GOLGA7B: variants seen among roughly 807,000 people sequenced by gnomAD.
The protein encoded by GOLGA7B is golgin subfamily A member 7B.
Under a neutral mutation model 21.5 loss-of-function variants are expected in GOLGA7B, and 17 were observed. The ratio of observed to expected loss-of-function variants is 0.79; its 90% confidence interval spans 0.54 to 1.19. GOLGA7B has a LOEUF of 1.19. GOLGA7B is among the 50% of genes most tolerant of loss of function. The probability of loss-of-function intolerance (pLI) is 0.00; values close to 1 mark genes in which losing one functional copy is unlikely to be tolerated. For missense variants in GOLGA7B, 169 were observed against 224.4 expected (o/e 0.75, Z 1.58); for synonymous variants, 87 against 84.0 (o/e 1.04, Z -0.19).
chr10:97,858,790 C>A, intron 1 of GOLGA7B, among the ~76,000 whole-genome samples: 1 of 152,198 alleles, frequency 6.6e-6, no homozygotes, highest in East Asian at 1.9e-4. Context: ...CCATAAAACT[C>A]GGCCTGGACC....
Position 97,867,149 on chromosome 10 carries a change from G to C in GOLGA7B, c.*1449G>C, listed in dbSNP as rs1263328567. The C allele has an allele frequency of 6.6e-6, 1 of 152,188 alleles. No individual in the cohort carries two copies. The highest frequency in any genetic ancestry group is 2.4e-5 in the African/African-American group (1 of 41,406). The allele number at this position is 152,188 out of a possible 1,614,324, so 9.4% of individuals were successfully genotyped here. A position where few individuals can be genotyped will look rare whatever the true frequency, so the allele number is the denominator to read the frequency against. Reference sequence around the variant, plus strand: ...CACTGTGTGTTCAGCCTGCCCAGGGGCTGGGGCTCTTTAAGGCTTTGTAGG... The same window carrying C: ...CACTGTGTGTTCAGCCTGCCCAGGGCCTGGGGCTCTTTAAGGCTTTGTAGG... On this transcript the variant is annotated 3_prime_UTR_variant, in exon 5 of 5. Transcript: ENST00000370602.
At chr10:97,857,473 AAC>A (rs2049943563) in intron 1 of GOLGA7B, among the ~76,000 whole-genome samples, 1 of 152,122 alleles carries the variant, frequency 6.6e-6, no homozygotes, top group Non-Finnish European at 1.5e-5. Flanking sequence ...AATCGTAGAT[AAC>A]ACAGACAAAT....
intron 2 of GOLGA7B, among the ~76,000 whole-genome samples, chr10:97,863,673 G>A (rs1028043365): frequency 5.3e-5 from 8 of 152,220 alleles, no homozygotes; most frequent in Non-Finnish European, 8.8e-5. Context: ...TGAGGAAACT[G>A]AAGCCTAGAT....
In GOLGA7B at chr10:97,867,317, G is replaced by A. The variant is rs2050039322; in HGVS notation, c.*1617G>A. ...CAGGTGGGATGGGAGCAGCCCCTGG[G>A]GCTGGTGTCCCGAAGATGAAATGAA... On this transcript the variant is annotated 3_prime_UTR_variant, in exon 5 of 5. Coordinates refer to ENST00000370602, the MANE Select transcript of GOLGA7B (RefSeq NM_001010917.3). The A allele has an allele frequency of 6.6e-6, 1 of 152,204 alleles. No homozygotes were observed. Among genetic ancestry groups the A allele is most frequent in the Non-Finnish European group, 1.5e-5 (1 of 68,078 alleles). The allele number at this position is 152,204 out of a possible 1,614,324, so 9.4% of individuals were successfully genotyped here. A position where few individuals can be genotyped will look rare whatever the true frequency, so the allele number is the denominator to read the frequency against.
At position 97,868,928 on chromosome 10, in the gene GOLGA7B, G is replaced by T. The variant is rs2050059183; in HGVS notation, c.*3228G>T. 1.3e-5 allele frequency: 2 copies of T among 152,130 alleles called. No homozygotes were observed. 9.4% of individuals were successfully genotyped at this position (152,130 alleles called of 1,614,324 possible). A position where few individuals can be genotyped will look rare whatever the true frequency, so the allele number is the denominator to read the frequency against. Reference sequence around the variant, plus strand: ...ACTAGGCTAAGACTCTACATAATTAGTCATTCAATTCTCACAGCAACCCTC... The same window carrying T: ...ACTAGGCTAAGACTCTACATAATTATTCATTCAATTCTCACAGCAACCCTC... On this transcript the variant is annotated 3_prime_UTR_variant, in exon 5 of 5. Transcript: ENST00000370602.
chr10:97,861,121 G>A (rs2049968839), intron 2 of GOLGA7B, among the ~76,000 whole-genome samples: 1 of 152,300 alleles, frequency 6.6e-6, no homozygotes, highest in Non-Finnish European at 1.5e-5. Flanking sequence ...CCGAATCTGG[G>A]TTTTAATCTA....
At chr10:97,859,326 A>G in intron 1 of GOLGA7B, 132 bp from the exon 2 acceptor site, 2 of 887,748 alleles carry the variant, frequency 2.3e-6, no homozygotes, top group Non-Finnish European at 3.4e-6. Context: ...TAGAGTGCCC[A>G]GCTTGTCTCT....
At chr10:97,857,805 A>G (rs2049945825) in intron 1 of GOLGA7B, among the ~76,000 whole-genome samples, 1 of 152,232 alleles carries the variant, frequency 6.6e-6, no homozygotes, top group African/African-American at 2.4e-5. Flanking sequence ...ACAAAAATAG[A>G]CACATAGACC....
intron 1 of GOLGA7B, among the ~76,000 whole-genome samples, chr10:97,855,809 A>G (rs1170857699): frequency 6.6e-6 from 1 of 152,256 alleles, no homozygotes; most frequent in African/African-American, 2.4e-5. Flanking sequence ...CCTAGTAGAT[A>G]TCAAGGGGAT....
chr10:97,856,608 G>A (rs960996244), intron 1 of GOLGA7B, among the ~76,000 whole-genome samples: 9 of 152,208 alleles, frequency 5.9e-5, no homozygotes, highest in Non-Finnish European at 1.3e-4. Flanking sequence ...ACCCTGTAGT[G>A]GGATTGCTGG....
intron 1 of GOLGA7B, among the ~76,000 whole-genome samples, chr10:97,858,080 C>G (rs2049947498): frequency 6.6e-6 from 1 of 152,198 alleles, no homozygotes; most frequent in South Asian, 2.1e-4. Flanking sequence ...ATCTTTGTCA[C>G]TTTGCGCAAG....
Position 97,864,014 on chromosome 10 carries a change from C to A in GOLGA7B, c.223C>A (p.Leu75Ile), listed in dbSNP as rs773598891. The change falls in exon 3 of 5, where the codon CTC becomes ATC. Residue 75 changes from leucine (L) to isoleucine (I), a missense_variant. By Grantham distance (5) the Leu-to-Ile change is conservative (BLOSUM62 2). Transcript: ENST00000370602. The stretch of plus-strand genomic sequence containing the variant: ...TGAGAAGATTGGGGGCAGCTCCTAC[C>A]TCGAGGGCTGCCTGGCCTGCGCCAC... The part of the protein sequence containing the change: ...EAEKIGGSSY[L>I]EGCLACATAY... 6.2e-7 allele frequency: 1 copy of A among 1,614,148 alleles called. No homozygotes were observed. The highest frequency in any genetic ancestry group is 1.1e-5 in the South Asian group (1 of 91,080).
chr10:97,861,187 C>T (rs533574307), intron 2 of GOLGA7B, among the ~76,000 whole-genome samples: 13 of 152,324 alleles, frequency 8.5e-5, no homozygotes, highest in Admixed American at 2.0e-4. Flanking sequence ...ACTAGTCCAT[C>T]CCTCTCATTT....
rs1393651953 is a variant in GOLGA7B at position 97,864,062 on chromosome 10, A to ATGG, written c.272_274dup (p.Met91_Glu92insVal). The ATGG allele has an allele frequency of 1.9e-6, 3 of 1,614,112 alleles. No homozygotes were observed. Among genetic ancestry groups the ATGG allele is most frequent in the Non-Finnish European group, 2.5e-6 (3 of 1,179,964 alleles). On this transcript the variant is annotated inframe_insertion, in exon 3 of 5. Coordinates refer to ENST00000370602, the MANE Select transcript of GOLGA7B (RefSeq NM_001010917.3). ...CACGGCCTACTTCATCTTCCTCTGCATGGAGACCCACTATGAGAAGGTGGC... is the reference window on the plus strand; with the variant it reads ...CACGGCCTACTTCATCTTCCTCTGCATGGTGGAGACCCACTATGAGAAGGTGGC...
At chr10:97,850,402 G>A in intron 1 of GOLGA7B, 87 bp downstream of exon 1, 1 of 1,190,728 alleles carries the variant, frequency 8.4e-7, no homozygotes, top group Non-Finnish European at 1.2e-6. Flanking sequence ...AGTGGGAGGC[G>A]GGAGTTGGGG....
In GOLGA7B at chr10:97,867,578, T is replaced by C. The variant is rs989301285; in HGVS notation, c.*1878T>C. On this transcript the variant is annotated 3_prime_UTR_variant, in exon 5 of 5. Transcript: ENST00000370602. ...AAGGATCCCCCTGGAGAGCCGCAGT[T>C]CAGTGGGCTCCACCGCAGCCCCTGG... is the stretch of plus-strand genomic sequence containing the variant. 6 of 152,306 alleles carry C rather than the reference T, an allele frequency of 3.9e-5. No homozygotes were observed. The highest frequency in any genetic ancestry group is 1.4e-4 in the African/African-American group (6 of 41,424). 9.4% of individuals were successfully genotyped at this position (152,306 alleles called of 1,614,324 possible).
At position 97,867,608 on chromosome 10, in the gene GOLGA7B, G is replaced by A. The variant is rs1470474367; in HGVS notation, c.*1908G>A. On this transcript the variant is annotated 3_prime_UTR_variant, in exon 5 of 5. Coordinates refer to ENST00000370602, the MANE Select transcript of GOLGA7B (RefSeq NM_001010917.3). The stretch of plus-strand genomic sequence containing the variant: ...GGGCTCCACCGCAGCCCCTGGCCAC[G>A]GCCTATGCCCTCCCTGGGCCCCTGT... 4 of 152,512 alleles carry A rather than the reference G, an allele frequency of 2.6e-5. No individual in the cohort carries two copies. The highest frequency in any genetic ancestry group is 7.2e-5 in the African/African-American group (3 of 41,582). 9.4% of individuals were successfully genotyped at this position (152,512 alleles called of 1,614,324 possible).
chr10:97,859,801 G>A (rs965623602), intron 2 of GOLGA7B, among the ~76,000 whole-genome samples: 2 of 152,144 alleles, frequency 1.3e-5, no homozygotes, highest in Admixed American at 1.3e-4. Context: ...GGGATCTCAG[G>A]GATTTTCTGG....
At chr10:97,852,914 C>T (rs1221835177) in intron 1 of GOLGA7B, among the ~76,000 whole-genome samples, 1 of 152,140 alleles carries the variant, frequency 6.6e-6, no homozygotes, top group Non-Finnish European at 1.5e-5. Context: ...TTCTGAGCAG[C>T]AAACCTCTGT....
Sources: gnomAD v4.1 joint callset for allele counts (sites outside exome capture counted in the v4.1 genomes callset) on GRCh38, gnomAD v4.1.1 for gene constraint, MANE v1.5 for transcripts, NCBI Gene and HGNC (gene_info 2026-07-23, HGNC 2026-07-21) for gene names.